Variants in ZC3H12B observed in about 807,000 individuals in gnomAD.
ZC3H12B encodes the protein zinc finger CCCH-type containing 12B, also known as probable ribonuclease ZC3H12B.
Under a neutral mutation model 43.9 loss-of-function variants are expected in ZC3H12B, and 7 were observed. That is an observed-to-expected ratio of 0.16 (90% CI 0.09 to 0.30). The LOEUF is 0.30. ZC3H12B is among the 10% of genes least tolerant of loss of function. The pLI, the probability that ZC3H12B is intolerant of heterozygous loss-of-function variation, is 1.00. For synonymous variants in ZC3H12B, 222 were observed against 241.7 expected (o/e 0.92, Z 0.76); for missense variants, 475 against 670.2 (o/e 0.71, Z 3.22).
the ZC3H12B span, among the ~76,000 whole-genome samples, chrX:65,076,158 CTTTT>C: frequency 9.6e-6 from 1 of 103,882 alleles, no homozygotes; most frequent in African/African-American, 3.5e-5. Context: ...TCTCTTCTTT[CTTTT>C]TTTTTTTTCT....
At chrX:65,187,671 AC>A in the ZC3H12B span, among the ~76,000 whole-genome samples, 2 of 98,852 alleles carry the variant, frequency 2.0e-5, no homozygotes, top group African/African-American at 3.7e-5. Flanking sequence ...TTTTTTTTTT[AC>A]TTTTTTCTGG....
At chrX:65,114,486 A>T in the ZC3H12B span, among the ~76,000 whole-genome samples, 1 of 110,497 alleles carries the variant, frequency 9.1e-6, no homozygotes. Context: ...ATTTTTTAAT[A>T]AACAGTTTAT....
intron 2 of ZC3H12B, among the ~76,000 whole-genome samples, chrX:65,380,445 C>A (rs1051083071): frequency 9.0e-6 from 1 of 111,300 alleles, no homozygotes; most frequent in African/African-American, 3.3e-5. Context: ...CCTAAAAGAG[C>A]TCCTGAAGGA....
chrX:65,092,406 CAGA>C, the ZC3H12B span, among the ~76,000 whole-genome samples: 7 of 110,897 alleles, frequency 6.3e-5, no homozygotes, highest in Non-Finnish European at 1.3e-4. Context: ...ATGGAGGGCT[CAGA>C]AGAAGATAGG....
the ZC3H12B span, among the ~76,000 whole-genome samples, chrX:65,323,595 GA>G: frequency 8.9e-6 from 1 of 112,299 alleles, no homozygotes; most frequent in Non-Finnish European, 1.9e-5. Flanking sequence ...GTCTACCATT[GA>G]GGTGCATTTG....
chrX:65,211,524 A>T, the ZC3H12B span, among the ~76,000 whole-genome samples: 6 of 105,074 alleles, frequency 5.7e-5, no homozygotes, highest in Non-Finnish European at 9.7e-5. Flanking sequence ...TTTCCATCTT[A>T]GAAACAGAGA....
chrX:65,176,206 A>C, the ZC3H12B span, among the ~76,000 whole-genome samples: 1 of 111,077 alleles, frequency 9.0e-6, no homozygotes, highest in Non-Finnish European at 1.9e-5. Flanking sequence ...TGGTGGGGGG[A>C]GGGGATCCCA....
At chrX:65,299,457 C>A in the ZC3H12B span, among the ~76,000 whole-genome samples, 1 of 111,590 alleles carries the variant, frequency 9.0e-6, no homozygotes, top group Non-Finnish European at 1.9e-5. Context: ...TTATTCCAGG[C>A]ATGCAAGGCT....
chrX:65,409,932 C>A (rs1368734705), intron 3 of ZC3H12B, among the ~76,000 whole-genome samples: 1 of 110,228 alleles, frequency 9.1e-6, no homozygotes, highest in Non-Finnish European at 1.9e-5. Flanking sequence ...AAAATGCCAA[C>A]AACATTATTC....
the ZC3H12B span, among the ~76,000 whole-genome samples, chrX:65,165,810 CAAT>C: frequency 8.9e-6 from 1 of 111,873 alleles, no homozygotes; most frequent in Non-Finnish European, 1.9e-5. Flanking sequence ...GGTGTATACC[CAAT>C]AATGGGATTG....
At chrX:65,268,542 T>C in the ZC3H12B span, among the ~76,000 whole-genome samples, 1 of 112,360 alleles carries the variant, frequency 8.9e-6, no homozygotes, top group South Asian at 3.7e-4. Context: ...ATTCAATATA[T>C]AAAAAACATT....
chrX:65,496,724 G>A (rs1481922007), intron 1 of ZC3H12B, among the ~76,000 whole-genome samples: 2 of 111,395 alleles, frequency 1.8e-5, no homozygotes, highest in African/African-American at 3.3e-5. Flanking sequence ...GGGAGGCCGA[G>A]GCAGGCAGAT....
chrX:65,184,197 A>T, the ZC3H12B span, among the ~76,000 whole-genome samples: 1 of 111,430 alleles, frequency 9.0e-6, no homozygotes, highest in Non-Finnish European at 1.9e-5. Flanking sequence ...TGTTATCTTG[A>T]TATTTCTACA....
the ZC3H12B span, among the ~76,000 whole-genome samples, chrX:65,124,449 C>A: frequency 9.1e-6 from 1 of 110,227 alleles, no homozygotes; most frequent in Non-Finnish European, 1.9e-5. Flanking sequence ...CTGTAGTTTT[C>A]TTTTTTTATG....
At chrX:65,357,235 G>A in the ZC3H12B span, 156 of 373,444 alleles carry the variant, frequency 4.2e-4, no homozygotes, top group Admixed American at 1.4e-4. Flanking sequence ...GAATATCCAG[G>A]CAGTTTGCAA....
At chrX:65,341,856 A>G in the ZC3H12B span, among the ~76,000 whole-genome samples, 1 of 111,455 alleles carries the variant, frequency 9.0e-6, no homozygotes, top group African/African-American at 3.3e-5. Context: ...TCAAATCCAC[A>G]TATATCAGTA....
At chrX:65,302,003 C>A in the ZC3H12B span, among the ~76,000 whole-genome samples, 1 of 110,519 alleles carries the variant, frequency 9.0e-6, no homozygotes, top group Non-Finnish European at 1.9e-5. Flanking sequence ...TTTTAGCAAA[C>A]CAGGAATAGA....
the ZC3H12B span, among the ~76,000 whole-genome samples, chrX:65,287,989 C>CATATATAT: frequency 4.5e-4 from 41 of 90,422 alleles, no homozygotes; most frequent in African/African-American, 2.1e-3. Flanking sequence ...ATTTTATATA[C>CATATATAT]ATATATATAT....
chrX:65,364,741 G>A (rs1215133949), upstream of ZC3H12B, among the ~76,000 whole-genome samples: 4 of 111,229 alleles, frequency 3.6e-5, no homozygotes, highest in Admixed American at 3.8e-4. Context: ...TTTCCATCAT[G>A]GAAATCTATC....
Sources: allele counts gnomAD v4.1 joint callset (sites outside exome capture counted in the v4.1 genomes callset), GRCh38; gene constraint gnomAD v4.1.1; transcripts MANE v1.5; gene names NCBI Gene and HGNC (gene_info 2026-07-23, HGNC 2026-07-21).